Variants in STON1 observed in about 807,000 individuals in gnomAD.
STON1 encodes stonin 1.
In STON1, 79 loss-of-function variants were observed where a neutral mutation model predicts 60.9. The ratio of observed to expected loss-of-function variants is 1.30; its 90% confidence interval spans 1.08 to 1.56. The LOEUF is 1.56. STON1 is among the 40% of genes most tolerant of loss of function. The probability of loss-of-function intolerance (pLI) is 0.00; values close to 1 mark genes in which losing one functional copy is unlikely to be tolerated. For missense variants in STON1, 1,166 were observed against 858.9 expected (o/e 1.36, Z -4.47); for synonymous variants, 363 against 306.9 (o/e 1.18, Z -1.91).
intron 1 of STON1, among the ~76,000 whole-genome samples, chr2:48,541,324 G>C (rs1286451263): frequency 6.6e-6 from 1 of 150,836 alleles, no homozygotes; most frequent in Non-Finnish European, 1.5e-5. Flanking sequence ...CTGCATCCCA[G>C]CCTGGGAGAC....
chr2:48,555,527 A>T (rs1330920123), intron 1 of STON1, among the ~76,000 whole-genome samples: 1 of 53,088 alleles, frequency 1.9e-5, no homozygotes, highest in South Asian at 1.1e-3. Context: ...CTCACGGACG[A>T]GGCGGCTGGC....
intron 1 of STON1, among the ~76,000 whole-genome samples, chr2:48,558,293 C>G (rs908901909): frequency 2.0e-5 from 3 of 152,170 alleles, no homozygotes; most frequent in African/African-American, 7.2e-5. Context: ...TATTTATACA[C>G]ATATATATCA....
intron 1 of STON1, among the ~76,000 whole-genome samples, chr2:48,558,687 A>G (rs1230613909): frequency 6.6e-6 from 1 of 152,204 alleles, no homozygotes; most frequent in Non-Finnish European, 1.5e-5. Flanking sequence ...AGCAGAGGGT[A>G]TAGTGGCAAA....
intron 1 of STON1, among the ~76,000 whole-genome samples, chr2:48,535,634 C>T (rs1240874215): frequency 6.6e-6 from 1 of 152,088 alleles, no homozygotes; most frequent in Non-Finnish European, 1.5e-5. Flanking sequence ...CACCTGAGGT[C>T]AGGACAAGAA....
intron 1 of STON1, among the ~76,000 whole-genome samples, chr2:48,578,874 A>G (rs767938509): frequency 3.3e-5 from 5 of 151,878 alleles, no homozygotes; most frequent in Admixed American, 6.6e-5. Flanking sequence ...TATAGGCGTG[A>G]GCCACTGTGC....
At chr2:48,571,790 G>A (rs1572962508) in intron 1 of STON1, among the ~76,000 whole-genome samples, 1 of 152,274 alleles carries the variant, frequency 6.6e-6, no homozygotes, top group Middle Eastern at 3.4e-3. Flanking sequence ...TGGCTGGTGG[G>A]GGTTTTGAGA....
chr2:48,563,536 C>G (rs1015904850), intron 1 of STON1, among the ~76,000 whole-genome samples: 2 of 152,194 alleles, frequency 1.3e-5, no homozygotes, highest in Non-Finnish European at 2.9e-5. Flanking sequence ...TACCCATGGT[C>G]ATAGCAGACA....
intron 3 of STON1, among the ~76,000 whole-genome samples, chr2:48,592,757 A>AG (rs1674595282): frequency 6.6e-6 from 1 of 151,932 alleles, no homozygotes; most frequent in Non-Finnish European, 1.5e-5. Flanking sequence ...CACCATGCCT[A>AG]GCCTATTGGT....
intron 1 of STON1, among the ~76,000 whole-genome samples, chr2:48,558,592 G>C (rs1672480520): frequency 6.6e-6 from 1 of 152,230 alleles, no homozygotes; most frequent in South Asian, 2.1e-4. Context: ...TTTTGTATCT[G>C]CTTACTGGGG....
At chr2:48,549,178 C>T (rs1197668488) in intron 1 of STON1, among the ~76,000 whole-genome samples, 1 of 152,176 alleles carries the variant, frequency 6.6e-6, no homozygotes, top group East Asian at 1.9e-4. Context: ...TCCATAGACT[C>T]AGTAAGACCA....
intron 1 of STON1, among the ~76,000 whole-genome samples, chr2:48,535,166 C>T (rs572732510): frequency 6.6e-6 from 1 of 151,962 alleles, no homozygotes; most frequent in African/African-American, 2.4e-5. Context: ...AGCACCGAGG[C>T]TCAAATGTAC....
intron 3 of STON1, among the ~76,000 whole-genome samples, chr2:48,593,044 T>TATAG (rs1460558970): frequency 6.6e-6 from 1 of 152,222 alleles, no homozygotes; most frequent in Non-Finnish European, 1.5e-5. Flanking sequence ...GTTTAGTAGA[T>TATAG]ATATGGATGT....
chr2:48,546,835 G>T (rs1345924948), intron 1 of STON1, among the ~76,000 whole-genome samples: 1 of 152,084 alleles, frequency 6.6e-6, no homozygotes, highest in African/African-American at 2.4e-5. Context: ...CAAAATGTGG[G>T]GATTACAGGT....
intron 1 of STON1, among the ~76,000 whole-genome samples, chr2:48,541,568 G>C (rs1224206809): frequency 6.8e-6 from 1 of 147,694 alleles, no homozygotes; most frequent in Non-Finnish European, 1.5e-5. Flanking sequence ...GCATGGTGGT[G>C]CACGCCTGTA....
At chr2:48,578,185 C>T (rs529580713) in intron 1 of STON1, among the ~76,000 whole-genome samples, 1 of 152,182 alleles carries the variant, frequency 6.6e-6, no homozygotes, top group South Asian at 2.1e-4. Flanking sequence ...CCATGTTGGC[C>T]ATGCTGGCCT....
intron 1 of STON1, among the ~76,000 whole-genome samples, chr2:48,553,724 G>GT (rs1672196472): frequency 6.6e-6 from 1 of 152,170 alleles, no homozygotes; most frequent in Admixed American, 6.5e-5. Flanking sequence ...CTGATCTCAA[G>GT]TGATGCACCT....
At chr2:48,548,129 T>G (rs1671936559) in intron 1 of STON1, among the ~76,000 whole-genome samples, 1 of 152,252 alleles carries the variant, frequency 6.6e-6, no homozygotes. Flanking sequence ...TGGGACCTCA[T>G]GTGCCAGGAT....
intron 2 of STON1, among the ~76,000 whole-genome samples, chr2:48,582,911 G>T (rs1219762240): frequency 6.6e-6 from 1 of 152,192 alleles, no homozygotes; most frequent in Non-Finnish European, 1.5e-5. Context: ...ATATAGCTGA[G>T]ATTCCCTAAT....
chr2:48,591,044 A>G (rs1674485483), intron 2 of STON1, among the ~76,000 whole-genome samples: 1 of 152,048 alleles, frequency 6.6e-6, no homozygotes, highest in Non-Finnish European at 1.5e-5. Flanking sequence ...ATTAATAATT[A>G]TAAGATGTTA....
Sources: gnomAD v4.1 joint callset for allele counts (sites outside exome capture counted in the v4.1 genomes callset) on GRCh38, gnomAD v4.1.1 for gene constraint, MANE v1.5 for transcripts, NCBI Gene and HGNC (gene_info 2026-07-23, HGNC 2026-07-21) for gene names.